Variants in GRIK4 observed in about 807,000 individuals in gnomAD.
GRIK4 encodes the protein glutamate receptor ionotropic, kainate 4.
A neutral mutation model predicts 104.9 loss-of-function variants in GRIK4; 40 were observed. The ratio of observed to expected loss-of-function variants is 0.38; its 90% CI spans 0.30 to 0.50. The LOEUF (loss-of-function observed/expected upper bound fraction) is 0.50, where lower values mean the gene tolerates loss of function less well. GRIK4 is among the 20% of genes least tolerant of loss of function. GRIK4 has a pLI of 0.93. For synonymous variants in GRIK4, 485 were observed against 524.9 expected, an observed-to-expected ratio of 0.92 and a Z score of 1.04; for missense variants, 1,047 against 1,308.1, an observed-to-expected ratio of 0.80 and a Z score of 3.08.
At chr11:120,603,063 G>A (rs1433032676) in intron 1 of GRIK4, among the ~76,000 whole-genome samples, 2 of 152,222 alleles carry the variant, frequency 1.3e-5, no homozygotes, top group Non-Finnish European at 2.9e-5. Context: ...TAGGAGAGAA[G>A]GAGGAAGGTG....
intron 3 of GRIK4, among the ~76,000 whole-genome samples, chr11:120,793,970 A>AG (rs1404792279): frequency 3.8e-5 from 5 of 131,852 alleles, no homozygotes; most frequent in East Asian, 2.4e-4. Flanking sequence ...GGGTGGTGTT[A>AG]GGGCTGAGAG....
intron 1 of GRIK4, among the ~76,000 whole-genome samples, chr11:120,560,156 C>T (rs1456137773): frequency 6.6e-6 from 1 of 152,038 alleles, no homozygotes; most frequent in Non-Finnish European, 1.5e-5. Flanking sequence ...TCAAGGGATT[C>T]TCATGCCTCA....
intron 1 of GRIK4, among the ~76,000 whole-genome samples, chr11:120,637,526 C>T (rs777879387): frequency 4.6e-5 from 7 of 152,164 alleles, no homozygotes; most frequent in East Asian, 3.8e-4. Flanking sequence ...CGCCTGGATA[C>T]GTAAAGCAGG....
chr11:120,842,842 C>T (rs992725367), intron 8 of GRIK4, among the ~76,000 whole-genome samples: 3 of 152,246 alleles, frequency 2.0e-5, no homozygotes, highest in Non-Finnish European at 4.4e-5. Context: ...TCTGGGCAAC[C>T]AGTCTACCGT....
chr11:120,568,649 A>G (rs1162614077), intron 1 of GRIK4, among the ~76,000 whole-genome samples: 2 of 152,050 alleles, frequency 1.3e-5, no homozygotes, highest in East Asian at 1.9e-4. Context: ...CGGCCCCCCA[A>G]AGTGCTGGGA....
chr11:120,724,837 T>G (rs956769283), intron 3 of GRIK4, among the ~76,000 whole-genome samples: 1 of 152,242 alleles, frequency 6.6e-6, no homozygotes, highest in Non-Finnish European at 1.5e-5. Flanking sequence ...TGGAAAATCA[T>G]ATCACCCTCT....
intron 4 of GRIK4, among the ~76,000 whole-genome samples, chr11:120,807,202 G>T (rs1032725377): frequency 1.3e-5 from 2 of 152,108 alleles, no homozygotes; most frequent in African/African-American, 4.8e-5. Flanking sequence ...CCTTTCTTCT[G>T]CAGGGAGCTA....
chr11:120,736,479 A>G (rs1951224108), intron 3 of GRIK4, among the ~76,000 whole-genome samples: 3 of 152,158 alleles, frequency 2.0e-5, no homozygotes, highest in African/African-American at 4.8e-5. Flanking sequence ...AGCCCAGCAC[A>G]GCATCAGAAC....
chr11:120,931,764 G>A (rs1487333996), intron 13 of GRIK4, among the ~76,000 whole-genome samples: 2 of 152,194 alleles, frequency 1.3e-5, no homozygotes, highest in Admixed American at 1.3e-4. Flanking sequence ...TAGCTGTATT[G>A]ATATTACAAG....
intron 1 of GRIK4, among the ~76,000 whole-genome samples, chr11:120,568,651 G>T (rs887297558): frequency 2.0e-5 from 3 of 152,146 alleles, no homozygotes; most frequent in African/African-American, 7.2e-5. Context: ...GCCCCCCAAA[G>T]TGCTGGGATT....
At chr11:120,957,762 A>C (rs1303277003) in intron 16 of GRIK4, among the ~76,000 whole-genome samples, 1 of 152,090 alleles carries the variant, frequency 6.6e-6, no homozygotes, top group East Asian at 1.9e-4. Flanking sequence ...TAGCCAAAGG[A>C]AAAGGAAAGG....
intron 12 of GRIK4, among the ~76,000 whole-genome samples, chr11:120,901,851 G>A (rs572317231): frequency 1.1e-4 from 16 of 152,338 alleles, no homozygotes; most frequent in South Asian, 4.1e-4. Context: ...ATGTGTGCAC[G>A]TGTGCTTATT....
chr11:120,818,854 T>G (rs138412844), intron 5 of GRIK4, among the ~76,000 whole-genome samples: 1 of 152,312 alleles, frequency 6.6e-6, no homozygotes, highest in East Asian at 1.9e-4. Flanking sequence ...CTATACACAC[T>G]GATATTCAGC....
intron 14 of GRIK4, among the ~76,000 whole-genome samples, chr11:120,950,029 A>G (rs1452631302): frequency 6.6e-6 from 1 of 152,228 alleles, no homozygotes; most frequent in African/African-American, 2.4e-5. Flanking sequence ...AGTAACTCAC[A>G]TGTCTTTTGG....
rs571361895 is a variant in GRIK4 at position 120,633,596 on chromosome 11, A to C, written c.-158-20089A>C. ...TTTAACTTTTATTGTTTATTAATAA[A>C]GATAAATTTGAAGCATCAAAAGTGT... On this transcript the variant is annotated intron_variant, in intron 1 of 20. Coordinates refer to ENST00000527524, the MANE Select transcript of GRIK4 (RefSeq NM_014619.5). 1.2e-3 allele frequency among the ~76,000 whole-genome samples: 178 copies of C among 152,384 alleles called. 1 individual carries two copies. The highest frequency in any genetic ancestry group is 4.2e-3 in the African/African-American group (174 of 41,594).
chr11:120,833,640 T>C (rs2135568033), intron 7 of GRIK4, among the ~76,000 whole-genome samples: 1 of 152,242 alleles, frequency 6.6e-6, no homozygotes, highest in African/African-American at 2.4e-5. Context: ...GCACTATTAT[T>C]TTTTTTATTC....
In GRIK4 at chr11:120,905,476, G is replaced by A. The variant is rs373728384; in HGVS notation, c.1459G>A (p.Gly487Arg). Residue 487 changes from glycine to arginine, a missense_variant, in exon 13 of 21, where the codon GGG becomes AGG. Physicochemically the swap from Gly to Arg is moderately radical, Grantham distance 125. Around this residue, in one of 3 missense-constraint regions of GRIK4, gnomAD observed 440 missense variants for 652.3 expected, o/e 0.67. Coordinates refer to ENST00000527524, the MANE Select transcript of GRIK4 (RefSeq NM_014619.5). This position sits in a 1 kb window ranked among gnomAD's most constrained non-coding sequence, Gnocchi z 5.1. Reference sequence around the variant, plus strand: ...CAACGGCACCTGGACGGGAATGGTCGGGGAGCTGATCGCTAGGGTAAGGAG... The same window carrying A: ...CAACGGCACCTGGACGGGAATGGTCAGGGAGCTGATCGCTAGGGTAAGGAG... Reference protein sequence around the residue: ...EANGTWTGMVGELIARKADLA... With the variant: ...EANGTWTGMVRELIARKADLA... 3.7e-6 allele frequency: 6 copies of A among 1,611,816 alleles called. No individual in the cohort carries two copies. The highest frequency in any genetic ancestry group is 5.1e-6 in the Non-Finnish European group (6 of 1,179,188).
At chr11:120,800,120 C>T (rs1395892042) in intron 3 of GRIK4, among the ~76,000 whole-genome samples, 1 of 151,988 alleles carries the variant, frequency 6.6e-6, no homozygotes, top group East Asian at 1.9e-4. Flanking sequence ...TCCCAAAGTG[C>T]TGGGATTACA....
At chr11:120,921,377 A>G (rs61588877) in intron 13 of GRIK4, among the ~76,000 whole-genome samples, 7,606 of 152,254 alleles carry the variant, frequency 0.05, 247 homozygotes, top group African/African-American at 0.071. Context: ...GGATGCTGTA[A>G]AGGCATGTGG....
Sources: gnomAD v4.1 joint callset for allele counts (sites outside exome capture counted in the v4.1 genomes callset) on GRCh38, gnomAD v4.1.1 for gene constraint, gnomAD v4.1.1 regional missense constraint, Gnocchi (gnomAD v3.1) non-coding constraint, MANE v1.5 for transcripts, NCBI Gene and HGNC (gene_info 2026-07-23, HGNC 2026-07-21) for gene names.